The following CDK6 variants were observed in gnomAD, a reference collection of about 807,000 sequenced individuals.
CDK6 encodes cyclin dependent kinase 6, also known as cyclin-dependent kinase 6.
CDK6 carries 6 observed loss-of-function variants against 37.1 expected under a neutral mutation model. That is an observed-to-expected ratio of 0.16 (90% CI 0.09 to 0.32). The LOEUF (loss-of-function observed/expected upper bound fraction) is 0.32. Among genes scored for constraint, CDK6 ranks in the 10% least tolerant of loss-of-function variants. The probability of loss-of-function intolerance (pLI) is 1.00; values close to 1 mark genes in which losing one functional copy is unlikely to be tolerated. For missense variants in CDK6, 224 were observed against 418.9 expected, an observed-to-expected ratio of 0.53 and a Z score of 4.06; for synonymous variants, 160 against 161.3, an observed-to-expected ratio of 0.99 and a Z score of 0.06.
intron 4 of CDK6, among the ~76,000 whole-genome samples, chr7:92,713,742 T>A (rs2116686554): frequency 6.6e-6 from 1 of 150,870 alleles, no homozygotes; most frequent in South Asian, 2.1e-4. Context: ...ACCAGCTGAC[T>A]AGTCATGCAT....
At chr7:92,804,499 T>C (rs1800670823) in intron 2 of CDK6, among the ~76,000 whole-genome samples, 1 of 152,222 alleles carries the variant, frequency 6.6e-6, no homozygotes. Context: ...GAAAAGACTA[T>C]CCTTACTCTT....
chr7:92,728,032 A>C (rs1389491959), intron 3 of CDK6, among the ~76,000 whole-genome samples: 1 of 152,210 alleles, frequency 6.6e-6, no homozygotes, highest in African/African-American at 2.4e-5. Flanking sequence ...ATAAAGAATA[A>C]ATCTGTTTGG....
chr7:92,651,356 T>C (rs1796569854), intron 5 of CDK6, among the ~76,000 whole-genome samples: 1 of 152,160 alleles, frequency 6.6e-6, no homozygotes, highest in Non-Finnish European at 1.5e-5. Flanking sequence ...TAGGGGACCA[T>C]TCTGGGTACC....
At chr7:92,822,200 AAT>A (rs766563447) in intron 2 of CDK6, among the ~76,000 whole-genome samples, 39 of 152,148 alleles carry the variant, frequency 2.6e-4, no homozygotes, top group Non-Finnish European at 5.0e-4. Context: ...GATGATTTAA[AAT>A]ATCACTAAAA....
chr7:92,730,185 T>A (rs1798610925), intron 3 of CDK6, among the ~76,000 whole-genome samples: 1 of 152,244 alleles, frequency 6.6e-6, no homozygotes, highest in African/African-American at 2.4e-5. Context: ...TATATTCACA[T>A]CCTCAAAGTT....
chr7:92,803,088 T>C lies in CDK6; in HGVS notation c.234-28257A>G, dbSNP rs186233860. Among the ~76,000 whole-genome samples, 315 of 152,338 alleles carry C rather than the reference T, an allele frequency of 2.1e-3. 2 individuals carry two copies. Among genetic ancestry groups the C allele is most frequent in the African/African-American group, 7.3e-3 (303 of 41,560 alleles). The stretch of plus-strand genomic sequence containing the variant: ...AATTAATCTTTTCAAGTACTTCTTG[T>C]ATAATAACTAATATTATACTGTATT... On this transcript the variant is annotated intron_variant, in intron 2 of 7. Coordinates refer to ENST00000424848, the MANE Select transcript of CDK6 (RefSeq NM_001145306.2).
At chr7:92,747,771 T>C (rs1018014565) in intron 3 of CDK6, among the ~76,000 whole-genome samples, 5 of 152,218 alleles carry the variant, frequency 3.3e-5, no homozygotes, top group African/African-American at 1.2e-4. Flanking sequence ...TCTCCCTTTC[T>C]AGATTTTAAA....
chr7:92,605,550 T>G lies in CDK6; in HGVS notation c.*9590A>C, dbSNP rs568397490. 4.3e-6 allele frequency: 1 copy of G among 233,140 alleles called. No homozygotes were observed. The highest frequency in any genetic ancestry group is 5.6e-5 in the Admixed American group (1 of 17,806). 14.4% of individuals were successfully genotyped at this position (233,140 alleles called of 1,614,324 possible). ...CTACTTTTCTATTCTCCTCCTCAGA[T>G]AGGAAGGGTATAGATAAACTGGCTA... On this transcript the variant is annotated 3_prime_UTR_variant, in exon 8 of 8. Coordinates refer to ENST00000424848, the MANE Select transcript of CDK6 (RefSeq NM_001145306.2).
chr7:92,615,103 T>C lies in CDK6; in HGVS notation c.*37A>G, dbSNP rs1244821840. ...GGGGACCCATAAGCCACCAAGGGTG[T>C]TCTCCGCAGGATCAGCTTAAGGCGG... On this transcript the variant is annotated 3_prime_UTR_variant, in exon 8 of 8. Coordinates refer to ENST00000424848, the MANE Select transcript of CDK6 (RefSeq NM_001145306.2). The C allele has an allele frequency of 6.2e-7, 1 of 1,610,792 alleles. No homozygotes were observed. Among genetic ancestry groups the C allele is most frequent in the East Asian group, 2.2e-5 (1 of 44,860 alleles).
chr7:92,642,482 CT>C (rs1232024935), intron 5 of CDK6, among the ~76,000 whole-genome samples: 4 of 152,112 alleles, frequency 2.6e-5, no homozygotes, highest in Non-Finnish European at 2.9e-5. Flanking sequence ...GGTCCTTGGA[CT>C]TTTTTGATTC....
chr7:92,753,968 T>C (rs1799251103), intron 3 of CDK6, among the ~76,000 whole-genome samples: 1 of 152,182 alleles, frequency 6.6e-6, no homozygotes, highest in Non-Finnish European at 1.5e-5. Flanking sequence ...TAACCTCTGA[T>C]TTCTGTTTTC....
At chr7:92,744,102 C>T (rs749097282) in intron 3 of CDK6, among the ~76,000 whole-genome samples, 1 of 152,154 alleles carries the variant, frequency 6.6e-6, no homozygotes, top group East Asian at 1.9e-4. Context: ...CTATTCAGGA[C>T]CTCCCTGGCA....
At chr7:92,737,112 C>T (rs1798807395) in intron 3 of CDK6, among the ~76,000 whole-genome samples, 2 of 152,190 alleles carry the variant, frequency 1.3e-5, no homozygotes, top group South Asian at 4.1e-4. Flanking sequence ...ATGTGTAAAC[C>T]TCCCAGTTTG....
intron 3 of CDK6, among the ~76,000 whole-genome samples, chr7:92,729,045 T>C (rs1205487604): frequency 6.6e-6 from 1 of 152,124 alleles, no homozygotes; most frequent in Non-Finnish European, 1.5e-5. Flanking sequence ...TGGTCCCAAA[T>C]AATCATAAGA....
intron 3 of CDK6, among the ~76,000 whole-genome samples, chr7:92,745,932 T>A (rs892805275): frequency 1.4e-4 from 21 of 152,208 alleles, no homozygotes; most frequent in African/African-American, 4.8e-4. Flanking sequence ...TCCAAAGAGG[T>A]AGTCCCTATT....
At chr7:92,622,839 A>AC (rs1795833630) in intron 6 of CDK6, among the ~76,000 whole-genome samples, 197 bp downstream of exon 6, 1 of 152,126 alleles carries the variant, frequency 6.6e-6, no homozygotes, top group Non-Finnish European at 1.5e-5. Context: ...AAGCTTCCAG[A>AC]GCAGAGCAGT....
rs568236889 is a variant in CDK6, at chr7:92,608,055, G to T, written c.*7085C>A. On this transcript the variant is annotated 3_prime_UTR_variant, in exon 8 of 8. Transcript: ENST00000424848. ...TTAAGATTAGAAACTTTCAAGTAAG[G>T]GTACAACGGGTATCTTCAGAACTTT... The T allele has an allele frequency of 2.1e-5, 5 of 233,032 alleles. No homozygotes were observed. Among genetic ancestry groups the T allele is most frequent in the East Asian group, 1.8e-4 (3 of 16,438 alleles). 14.4% of individuals were successfully genotyped at this position (233,032 alleles called of 1,614,324 possible). A position where few individuals can be genotyped will look rare whatever the true frequency, so the allele number is the denominator to read the frequency against.
chr7:92,610,180 T>C lies in CDK6; in HGVS notation c.*4960A>G. ...AAAGACTTTTGCAAGAAAAGTCACC[T>C]TCCTTTCCTACCACATCAACTTCAA... On this transcript the variant is annotated 3_prime_UTR_variant, in exon 8 of 8. Transcript: ENST00000424848. 4.3e-6 allele frequency: 1 copy of C among 231,904 alleles called. No individual in the cohort carries two copies. Among genetic ancestry groups the C allele is most frequent in the Non-Finnish European group, 8.5e-6 (1 of 117,234 alleles). The allele number at this position is 231,904 out of a possible 1,614,324, so 14.4% of individuals were successfully genotyped here.
intron 2 of CDK6, among the ~76,000 whole-genome samples, chr7:92,822,162 T>C (rs1801189450): frequency 6.6e-6 from 1 of 152,060 alleles, no homozygotes; most frequent in Non-Finnish European, 1.5e-5. Flanking sequence ...CATCAAAACA[T>C]GTAAATTCAA....
Sources: gnomAD v4.1 joint callset for allele counts (sites outside exome capture counted in the v4.1 genomes callset) on GRCh38, gnomAD v4.1.1 for gene constraint, MANE v1.5 for transcripts, NCBI Gene and HGNC (gene_info 2026-07-23, HGNC 2026-07-21) for gene names.